CHD9: variants seen among roughly 807,000 people sequenced by gnomAD.
CHD9 encodes the protein ATP-dependent chromatin remodeler CHD9.
Under a neutral mutation model 316.1 loss-of-function variants are expected in CHD9, and 77 were observed. The ratio of observed to expected loss-of-function variants is 0.24; its 90% CI spans 0.20 to 0.29. CHD9 has a LOEUF of 0.29. Ranked by LOEUF, CHD9 falls within the 10% of genes least tolerant of loss-of-function variation. The pLI, the probability that CHD9 is intolerant of heterozygous loss-of-function variation, is 1.00. For missense variants in CHD9, 2,763 were observed against 3,438.1 expected (o/e 0.80, Z 4.91); for synonymous variants, 1,129 against 1,158.3 (o/e 0.97, Z 0.51).
chr16:53,078,443 A>C (rs1344401595), intron 1 of CHD9, among the ~76,000 whole-genome samples: 1 of 152,214 alleles, frequency 6.6e-6, no homozygotes, highest in African/African-American at 2.4e-5. Flanking sequence ...ACACAGCACA[A>C]AGGTCGTCTC....
intron 12 of CHD9, among the ~76,000 whole-genome samples, chr16:53,242,187 TGCA>T (rs1180037988): frequency 2.0e-5 from 3 of 152,210 alleles, no homozygotes; most frequent in Non-Finnish European, 4.4e-5. Flanking sequence ...ATACAAAAAC[TGCA>T]GTTGTCACCT....
chr16:53,237,790 A>G (rs1230071481), intron 11 of CHD9, among the ~76,000 whole-genome samples: 1 of 151,818 alleles, frequency 6.6e-6, no homozygotes. Flanking sequence ...ATTTTATCCT[A>G]TTCCATACTC....
chr16:53,165,197 AG>A (rs950525444), intron 2 of CHD9, among the ~76,000 whole-genome samples: 1 of 152,230 alleles, frequency 6.6e-6, no homozygotes, highest in African/African-American at 2.4e-5. Context: ...TTTCTGTAGC[AG>A]GTGGAAAATG....
At position 53,304,542 on chromosome 16, in the gene CHD9, C is replaced by A; in HGVS notation, c.6536C>A (p.Ser2179Tyr). ...TGTTCTTCAGCATCTTCTTCATCCT[C>A]TTCCTCCACCTCTTCCTCCTCCTCC... ...SSCSSASSSS[S>Y]SSTSSSSSSS... The change falls in exon 31 of 39, where the codon TCT becomes TAT. Residue 2179 changes from serine (S) to tyrosine (Y), a missense_variant. Coordinates refer to ENST00000447540, the MANE Select transcript of CHD9 (RefSeq NM_001308319.2). The A allele has an allele frequency of 1.9e-6, 3 of 1,545,562 alleles. No individual in the cohort carries two copies. Among genetic ancestry groups the A allele is most frequent in the Non-Finnish European group, 2.6e-6 (3 of 1,141,186 alleles).
chr16:53,144,800 A>G (rs770684510), intron 1 of CHD9, among the ~76,000 whole-genome samples: 1 of 152,070 alleles, frequency 6.6e-6, no homozygotes, highest in Non-Finnish European at 1.5e-5. Context: ...CTGGGATTAC[A>G]GGCGTGAGCC....
intron 2 of CHD9, among the ~76,000 whole-genome samples, chr16:53,204,699 G>A (rs1393744459): frequency 2.0e-5 from 3 of 152,004 alleles, no homozygotes; most frequent in African/African-American, 7.2e-5. Context: ...GATATATAGA[G>A]TCTTCCATAT....
intron 33 of CHD9, 91 bp from the exon 34 acceptor site, chr16:53,308,594 AT>A (rs1273647684): frequency 2.6e-5 from 22 of 860,552 alleles, no homozygotes; most frequent in African/African-American, 3.4e-5. Context: ...TTTTTACTTC[AT>A]TTTTTTTCCT....
chr16:53,070,887 T>A (rs2033989548), intron 1 of CHD9, among the ~76,000 whole-genome samples: 1 of 152,198 alleles, frequency 6.6e-6, no homozygotes, highest in African/African-American at 2.4e-5. Context: ...CTACATTGCT[T>A]TGATTACTGT....
chr16:53,133,291 A>C (rs1200688564), intron 1 of CHD9, among the ~76,000 whole-genome samples: 1 of 152,182 alleles, frequency 6.6e-6, no homozygotes, highest in Non-Finnish European at 1.5e-5. Flanking sequence ...AGATAAAAGC[A>C]ATGCTAGTCA....
Position 53,254,318 on chromosome 16 carries a change from A to T in CHD9, c.3862-120A>T, listed in dbSNP as rs1216118122. 4 of 580,500 alleles carry T rather than the reference A, an allele frequency of 6.9e-6. No homozygotes were observed. The East Asian group carries it at 1.2e-4, about 18-fold the overall frequency. The allele number at this position is 580,500 out of a possible 1,614,324, so 36.0% of individuals were successfully genotyped here. The stretch of plus-strand genomic sequence containing the variant: ...CTCCCTTAATTTCTAGAAAAAGGTT[A>T]TATCTAATTCAATAAAAATGGTCTA... On this transcript the variant is annotated intron_variant, in intron 17 of 38. Coordinates refer to ENST00000447540, the MANE Select transcript of CHD9 (RefSeq NM_001308319.2).
intron 17 of CHD9, 52 bp downstream of exon 17, chr16:53,250,118 T>C (rs376201155): frequency 3.0e-6 from 4 of 1,324,576 alleles, no homozygotes; most frequent in African/African-American, 2.9e-5. Context: ...AAAGTAAAAT[T>C]GTGTAACTTT....
intron 24 of CHD9, among the ~76,000 whole-genome samples, chr16:53,280,370 T>C (rs1413500497): frequency 1.3e-5 from 2 of 152,146 alleles, no homozygotes; most frequent in African/African-American, 4.8e-5. Flanking sequence ...ATTAATGGCA[T>C]TTGCAGCAAC....
chr16:53,274,213 G>A lies in CHD9; in HGVS notation c.4878G>A (p.Lys1626=), dbSNP rs1250055431. Reference sequence around the variant, plus strand: ...TTGATTTATTTTCCCTTGTTTTTAGGGTTTTGCTTCGTGTGAGAATGCTGT... The same window carrying A: ...TTGATTTATTTTCCCTTGTTTTTAGAGTTTTGCTTCGTGTGAGAATGCTGT... ...YKKHIKHHCN[K]VLLRVRMLYY... The change falls in exon 24 of 39, where the codon AAG becomes AAA. Residue 1626 remains lysine (K), a splice_region_variant and synonymous_variant. Transcript: ENST00000447540. The A allele has an allele frequency of 1.9e-6, 3 of 1,587,358 alleles. No individual in the cohort carries two copies. Among genetic ancestry groups the A allele is most frequent in the Non-Finnish European group, 2.6e-6 (3 of 1,158,652 alleles).
At chr16:53,271,670 A>T (rs932129927) in intron 22 of CHD9, among the ~76,000 whole-genome samples, 48 of 152,250 alleles carry the variant, frequency 3.2e-4, no homozygotes, top group African/African-American at 1.1e-3. Context: ...TTTAACTATC[A>T]TTAATATCTT....
At chr16:53,093,286 C>T (rs1424369642) in intron 1 of CHD9, among the ~76,000 whole-genome samples, 1 of 152,168 alleles carries the variant, frequency 6.6e-6, no homozygotes, top group Non-Finnish European at 1.5e-5. Context: ...TTCTCTGAAT[C>T]GCATTAACTC....
At chr16:53,173,802 C>T (rs568752902) in intron 2 of CHD9, among the ~76,000 whole-genome samples, 42 of 152,094 alleles carry the variant, frequency 2.8e-4, no homozygotes, top group African/African-American at 9.4e-4. Flanking sequence ...CCTCAGCCTC[C>T]CAAAGTGCTG....
intron 1 of CHD9, among the ~76,000 whole-genome samples, chr16:53,146,419 G>GTATGTATGTATATATATATA: frequency 1.3e-5 from 1 of 76,706 alleles, no homozygotes; most frequent in African/African-American, 5.9e-5. Flanking sequence ...GTGTGTGTAT[G>GTATGTATGTATATATATATA]TATATATATA....
intron 3 of CHD9, among the ~76,000 whole-genome samples, chr16:53,218,399 C>G (rs1480220354): frequency 6.6e-6 from 1 of 152,060 alleles, no homozygotes; most frequent in Non-Finnish European, 1.5e-5. Flanking sequence ...TCTAACCTAA[C>G]CCCACCACTC....
intron 1 of CHD9, among the ~76,000 whole-genome samples, chr16:53,088,679 GT>G (rs1330268129): frequency 1.3e-5 from 2 of 152,106 alleles, no homozygotes; most frequent in Non-Finnish European, 2.9e-5. Flanking sequence ...GTTGGGCATG[GT>G]TACCCAAATG....
Sources: allele counts gnomAD v4.1 joint callset (sites outside exome capture counted in the v4.1 genomes callset), GRCh38; gene constraint gnomAD v4.1.1; transcripts MANE v1.5; gene names NCBI Gene and HGNC (gene_info 2026-07-23, HGNC 2026-07-21).